The following PID1 variants were observed in gnomAD, a reference collection of about 807,000 sequenced individuals.
PID1 encodes PTB-containing, cubilin and LRP1-interacting protein.
A neutral mutation model predicts 19.1 loss-of-function variants in PID1; 10 were observed. The ratio of observed to expected loss-of-function variants is 0.52; its 90% CI spans 0.32 to 0.89. PID1 has a LOEUF of 0.89. Among genes scored for constraint, PID1 ranks in the 40% least tolerant of loss-of-function variants. The pLI is 0.03. For missense variants in PID1, 248 were observed against 285.3 expected, an observed-to-expected ratio of 0.87 and a Z score of 0.94; for synonymous variants, 130 against 116.0, an observed-to-expected ratio of 1.12 and a Z score of -0.78.
At chr2:229,183,650 T>C (rs1232527722) in intron 1 of PID1, among the ~76,000 whole-genome samples, 1 of 152,070 alleles carries the variant, frequency 6.6e-6, no homozygotes, top group Non-Finnish European at 1.5e-5. Flanking sequence ...GGACTCACAC[T>C]GAACCATCAG....
At chr2:229,222,534 C>T (rs2106259664) in intron 1 of PID1, among the ~76,000 whole-genome samples, 1 of 152,192 alleles carries the variant, frequency 6.6e-6, no homozygotes, top group Admixed American at 6.5e-5. Context: ...ACAGGGTGCC[C>T]AGATGTTTGG....
At chr2:229,104,547 G>C (rs1293394339) in intron 2 of PID1, among the ~76,000 whole-genome samples, 1 of 152,072 alleles carries the variant, frequency 6.6e-6, no homozygotes, top group Admixed American at 6.6e-5. Context: ...ATTATCTTTT[G>C]CCGTCTCTTC....
chr2:229,044,596 C>T (rs1358767926), intron 2 of PID1, among the ~76,000 whole-genome samples: 1 of 152,134 alleles, frequency 6.6e-6, no homozygotes, highest in East Asian at 1.9e-4. Flanking sequence ...ACTTGATTTC[C>T]CTGTAACACC....
intron 1 of PID1, among the ~76,000 whole-genome samples, chr2:229,214,745 CTGT>C (rs939614354): frequency 1.3e-5 from 2 of 152,018 alleles, no homozygotes; most frequent in Non-Finnish European, 2.9e-5. Context: ...GTAGGGTTTT[CTGT>C]TGTTGATTTG....
intron 1 of PID1, among the ~76,000 whole-genome samples, chr2:229,240,625 T>G (rs1689844437): frequency 6.6e-6 from 1 of 152,142 alleles, no homozygotes; most frequent in Admixed American, 6.5e-5. Context: ...CTCACTGTTG[T>G]CATGATTACC....
chr2:229,266,936 G>A (rs1227009), intron 1 of PID1, among the ~76,000 whole-genome samples: 27,598 of 152,154 alleles, frequency 0.18, 3,647 homozygotes, highest in East Asian at 0.69. Context: ...ATGGGCCAGG[G>A]CTAATGGTCT....
chr2:229,063,310 G>C (rs1175359696), intron 2 of PID1, among the ~76,000 whole-genome samples: 6 of 151,816 alleles, frequency 4.0e-5, no homozygotes, highest in Non-Finnish European at 8.8e-5. Context: ...ACATGTTTTG[G>C]TATGTTGTGC....
intron 2 of PID1, among the ~76,000 whole-genome samples, chr2:229,151,602 G>A (rs553304205): frequency 1.1e-4 from 16 of 146,190 alleles, no homozygotes; most frequent in Middle Eastern, 3.3e-3. Flanking sequence ...ACGGAGTCTC[G>A]CTCTGTCACC....
chr2:229,029,160 A>C (rs1055265018), intron 2 of PID1, among the ~76,000 whole-genome samples: 2 of 151,862 alleles, frequency 1.3e-5, no homozygotes, highest in Admixed American at 6.6e-5. Context: ...TTAACACACC[A>C]AACCTCGGCA....
chr2:229,074,132 C>T (rs1266322653), intron 2 of PID1, among the ~76,000 whole-genome samples: 3 of 152,032 alleles, frequency 2.0e-5, no homozygotes, highest in Non-Finnish European at 4.4e-5. Flanking sequence ...TGTAAAATGG[C>T]AAGTCAGATG....
intron 2 of PID1, among the ~76,000 whole-genome samples, chr2:229,051,963 G>T (rs955463294): frequency 2.0e-5 from 3 of 152,156 alleles, no homozygotes; most frequent in Admixed American, 6.5e-5. Flanking sequence ...CTAGTATCCA[G>T]GTCAGGATGT....
intron 2 of PID1, among the ~76,000 whole-genome samples, chr2:229,116,767 T>C (rs1387201119): frequency 6.6e-6 from 1 of 152,206 alleles, no homozygotes; most frequent in Non-Finnish European, 1.5e-5. Flanking sequence ...ATGTCTTTAT[T>C]AGTTGTATGA....
At chr2:229,229,368 A>C (rs1692153857) in intron 1 of PID1, among the ~76,000 whole-genome samples, 1 of 152,182 alleles carries the variant, frequency 6.6e-6, no homozygotes, top group Non-Finnish European at 1.5e-5. Context: ...ACTGGATTGC[A>C]ATTGGATGTT....
intron 1 of PID1, among the ~76,000 whole-genome samples, chr2:229,243,852 C>T (rs1356855895): frequency 6.6e-6 from 1 of 152,084 alleles, no homozygotes; most frequent in African/African-American, 2.4e-5. Context: ...CCATTCAAAG[C>T]CCAATTTAGT....
intron 2 of PID1, among the ~76,000 whole-genome samples, chr2:229,037,777 GCTTTCTAGTCAGA>G (rs1693694163): frequency 6.6e-6 from 1 of 152,092 alleles, no homozygotes; most frequent in African/African-American, 2.4e-5. Flanking sequence ...CTCTCCCTCT[GCTTTCTAGTCAGA>G]AGAGTATGCT....
intron 1 of PID1, among the ~76,000 whole-genome samples, chr2:229,257,348 T>C (rs1489785603): frequency 1.3e-5 from 2 of 152,168 alleles, no homozygotes; most frequent in African/African-American, 4.8e-5. Context: ...CTACCATTTC[T>C]CTCTCTTTCT....
chr2:229,050,407 A>T (rs1693970168), intron 2 of PID1, among the ~76,000 whole-genome samples: 1 of 152,062 alleles, frequency 6.6e-6, no homozygotes, highest in African/African-American at 2.4e-5. Flanking sequence ...GCAGCAGCAA[A>T]CCCCTTGTTC....
rs181970929 is a variant in PID1, at chr2:229,038,342, C to T, written c.178-12234G>A. Among the ~76,000 whole-genome samples, 410 of 152,204 alleles carry T rather than the reference C, an allele frequency of 2.7e-3. 6 individuals carry two copies. The highest frequency in any genetic ancestry group is 2.4e-3 in the Non-Finnish European group (161 of 68,014). On this transcript the variant is annotated intron_variant, in intron 2 of 2. Transcript: ENST00000392055. ...TGCGGTACATCCATATCATGGGATA[C>T]CACTCAGCAATAAGAAGGAATAAAC...
intron 2 of PID1, among the ~76,000 whole-genome samples, chr2:229,042,869 T>TC (rs1693798458): frequency 6.6e-6 from 1 of 152,200 alleles, no homozygotes; most frequent in African/African-American, 2.4e-5. Flanking sequence ...TTGTTACTAT[T>TC]CATCTCCATA....
Sources: gnomAD v4.1 joint callset for allele counts (sites outside exome capture counted in the v4.1 genomes callset) on GRCh38, gnomAD v4.1.1 for gene constraint, MANE v1.5 for transcripts, NCBI Gene and HGNC (gene_info 2026-07-23, HGNC 2026-07-21) for gene names.